Variants in AUTS2 observed in about 807,000 individuals in gnomAD.
The protein encoded by AUTS2 is autism susceptibility gene 2 protein.
A neutral mutation model predicts 112.4 loss-of-function variants in AUTS2; 17 were observed. The ratio of observed to expected loss-of-function variants is 0.15; its 90% CI spans 0.10 to 0.23. The LOEUF (loss-of-function observed/expected upper bound fraction) is 0.23, where lower values mean the gene tolerates loss of function less well. Among genes scored for constraint, AUTS2 ranks in the 10% least tolerant of loss-of-function variants. The probability of loss-of-function intolerance (pLI) is 1.00; values close to 1 mark genes in which losing one functional copy is unlikely to be tolerated. For missense variants in AUTS2, 1,510 were observed against 1,701.6 expected, an observed-to-expected ratio of 0.89 and a Z score of 1.98; for synonymous variants, 751 against 702.7, an observed-to-expected ratio of 1.07 and a Z score of -1.09.
At chr7:69,729,158 C>T (rs1410277331) in intron 1 of AUTS2, among the ~76,000 whole-genome samples, 1 of 152,022 alleles carries the variant, frequency 6.6e-6, no homozygotes. Context: ...AGCTTTGATA[C>T]TAGCAACTTT....
chr7:70,668,689 C>T (rs1262833632), intron 5 of AUTS2, among the ~76,000 whole-genome samples: 1 of 152,204 alleles, frequency 6.6e-6, no homozygotes. Flanking sequence ...AAGTTTATCA[C>T]GTTAGGCAGT....
intron 1 of AUTS2, among the ~76,000 whole-genome samples, chr7:69,816,790 A>G (rs1485157796): frequency 6.6e-6 from 1 of 152,208 alleles, no homozygotes; most frequent in Non-Finnish European, 1.5e-5. Context: ...CAGAGCCAAG[A>G]TTCTAGGCTG....
At chr7:70,054,552 T>C (rs767445299) in intron 2 of AUTS2, among the ~76,000 whole-genome samples, 2 of 152,188 alleles carry the variant, frequency 1.3e-5, no homozygotes, top group Admixed American at 6.5e-5. Flanking sequence ...GCTCCTGATA[T>C]ACTGGTTACT....
At chr7:70,732,820 C>T (rs1474369997) in intron 6 of AUTS2, among the ~76,000 whole-genome samples, 1 of 152,176 alleles carries the variant, frequency 6.6e-6, no homozygotes, top group African/African-American at 2.4e-5. Context: ...TACTGAAGTA[C>T]ATTATGCATT....
In AUTS2 at chr7:70,790,619, C is replaced by T. The variant is rs1791869853; in HGVS notation, c.3403C>T (p.Leu1135=). The T allele has an allele frequency of 6.2e-7, 1 of 1,610,954 alleles. No homozygotes were observed. The highest frequency in any genetic ancestry group is 8.5e-7 in the Non-Finnish European group (1 of 1,178,902). ...CCACCACCACCACCACCACCACCCG[C>T]TGTCTGTGGACCCTCGGCGGGAGCA... The part of the protein sequence containing the change: ...SHHHHHHHHP[L]SVDPRREHER... Residue 1135 remains leucine (L), a synonymous_variant, in exon 19 of 19, where the codon CTG becomes TTG. Transcript: ENST00000342771. The surrounding 1 kb of genome is among the most constrained non-coding windows in gnomAD (Gnocchi z 7.6).
At chr7:70,786,471 A>C (rs570780102) in intron 17 of AUTS2, among the ~76,000 whole-genome samples, 2 of 149,942 alleles carry the variant, frequency 1.3e-5, no homozygotes, top group South Asian at 4.2e-4. Flanking sequence ...AGGCTGCGAC[A>C]CCACCAGGCT....
At chr7:70,281,495 G>A (rs1788211938) in intron 4 of AUTS2, among the ~76,000 whole-genome samples, 1 of 152,208 alleles carries the variant, frequency 6.6e-6, no homozygotes, top group Admixed American at 6.5e-5. Flanking sequence ...TAGTTAAAGT[G>A]ATAGGGTGGA....
At chr7:69,644,844 T>G (rs1403577013) in intron 1 of AUTS2, among the ~76,000 whole-genome samples, 1 of 152,158 alleles carries the variant, frequency 6.6e-6, no homozygotes, top group Admixed American at 6.5e-5. Flanking sequence ...AAGAGAGGTT[T>G]GGAATGGGAA....
rs570888477 is a variant in AUTS2, at chr7:70,615,637, A to G, written c.691-82932A>G. ...ATTTATTCTCTTTAGGAGCCATCAC[A>G]CACCAACATGTATGTGGCCCTTAGT... On this transcript the variant is annotated intron_variant, in intron 5 of 18. Transcript: ENST00000342771. Among the ~76,000 whole-genome samples, 12 of 152,116 alleles carry G rather than the reference A, an allele frequency of 7.9e-5. No individual in the cohort carries two copies. The East Asian group carries it at 2.3e-3, about 29-fold the overall frequency.
At chr7:70,710,117 G>A (rs1287765935) in intron 6 of AUTS2, among the ~76,000 whole-genome samples, 1 of 151,320 alleles carries the variant, frequency 6.6e-6, no homozygotes, top group Non-Finnish European at 1.5e-5. Context: ...CTCAGTAAAT[G>A]TTTATAAAAC....
intron 5 of AUTS2, among the ~76,000 whole-genome samples, chr7:70,665,357 G>T (rs917378944): frequency 5.9e-5 from 9 of 152,152 alleles, no homozygotes; most frequent in Middle Eastern, 3.4e-3. Context: ...TCAACCTCCT[G>T]GGCGTAAGTG....
chr7:70,394,788 C>G (rs1794011625), intron 4 of AUTS2, among the ~76,000 whole-genome samples: 1 of 151,578 alleles, frequency 6.6e-6, no homozygotes, highest in Non-Finnish European at 1.5e-5. Context: ...ATCATAAAAG[C>G]TACTATTAGC....
chr7:70,107,267 C>A (rs1050126046), intron 2 of AUTS2, among the ~76,000 whole-genome samples: 1 of 150,210 alleles, frequency 6.7e-6, no homozygotes, highest in African/African-American at 2.4e-5. Context: ...CTCACTAGCA[C>A]ACATGATACT....
intron 5 of AUTS2, among the ~76,000 whole-genome samples, chr7:70,544,009 G>A (rs563008147): frequency 6.6e-6 from 1 of 152,302 alleles, no homozygotes; most frequent in Admixed American, 6.5e-5. Flanking sequence ...AATAGAGGCA[G>A]GGAAGCTGGG....
chr7:69,815,392 A>T (rs758975007), intron 1 of AUTS2, among the ~76,000 whole-genome samples: 2 of 152,156 alleles, frequency 1.3e-5, no homozygotes, highest in African/African-American at 2.4e-5. Context: ...GGTTGAAAGG[A>T]TTGAGGTATT....
intron 5 of AUTS2, among the ~76,000 whole-genome samples, chr7:70,438,146 A>G (rs754855196): frequency 4.6e-5 from 7 of 152,050 alleles, no homozygotes; most frequent in Non-Finnish European, 1.0e-4. Flanking sequence ...CAATACTGAG[A>G]GCACCCCACC....
In AUTS2 at chr7:70,531,794, A is replaced by G. The variant is rs117873750; in HGVS notation, c.690+96013A>G. ...AGGGGACAAATATCCAAACCATATC[A>G]AGGATGAAAGGAGAGGGTGTCAGTT... On this transcript the variant is annotated intron_variant, in intron 5 of 18. Coordinates refer to ENST00000342771, the MANE Select transcript of AUTS2 (RefSeq NM_015570.4). Among the ~76,000 whole-genome samples the G allele has an allele frequency of 2.0e-4, 30 of 152,258 alleles. No individual in the cohort carries two copies. The East Asian group carries it at 3.1e-3, about 16-fold the overall frequency.
intron 5 of AUTS2, among the ~76,000 whole-genome samples, chr7:70,603,926 A>G (rs1014556846): frequency 2.6e-5 from 4 of 152,168 alleles, no homozygotes; most frequent in Non-Finnish European, 5.9e-5. Flanking sequence ...TGCCACTCAA[A>G]AAATCAATGG....
chr7:70,515,556 G>A (rs995640335), intron 5 of AUTS2, among the ~76,000 whole-genome samples: 1 of 152,084 alleles, frequency 6.6e-6, no homozygotes, highest in African/African-American at 2.4e-5. Context: ...TTAGAGACTT[G>A]TTGGGTCTAT....
Sources: gnomAD v4.1 joint callset for allele counts (sites outside exome capture counted in the v4.1 genomes callset) on GRCh38, gnomAD v4.1.1 for gene constraint, Gnocchi (gnomAD v3.1) non-coding constraint, MANE v1.5 for transcripts, NCBI Gene and HGNC (gene_info 2026-07-23, HGNC 2026-07-21) for gene names.